DHRSX: variants seen among roughly 807,000 people sequenced by gnomAD.
DHRSX encodes the protein dehydrogenase/reductase X-linked.
DHRSX carries 31 observed loss-of-function variants against 34.0 expected under a neutral mutation model. The observed-to-expected ratio is 0.91, with a 90% CI of 0.69 to 1.23. The LOEUF is 1.23. DHRSX is among the 50% of genes most tolerant of loss of function. The pLI, the probability that DHRSX is intolerant of heterozygous loss-of-function variation, is 0.00. For missense variants in DHRSX, 414 were observed against 428.1 expected, an observed-to-expected ratio of 0.97 and a Z score of 0.29; for synonymous variants, 201 against 183.8, an observed-to-expected ratio of 1.09 and a Z score of -0.76.
chrX:2,470,939 T>C (rs141340273), intron 1 of DHRSX, among the ~76,000 whole-genome samples: 1 of 152,240 alleles, frequency 6.6e-6, no homozygotes, highest in Admixed American at 6.5e-5. Flanking sequence ...GTTAATTAGC[T>C]TCAATGTTAA....
At chrX:2,463,805 GAA>G (rs11399591) in intron 1 of DHRSX, among the ~76,000 whole-genome samples, 1 of 151,536 alleles carries the variant, frequency 6.6e-6, no homozygotes, top group African/African-American at 2.4e-5. Flanking sequence ...ACCCAATGAA[GAA>G]AAAAAAGCAG....
intron 5 of DHRSX, among the ~76,000 whole-genome samples, chrX:2,243,847 C>G (rs1302147462): frequency 1.5e-5 from 2 of 133,520 alleles, no homozygotes; most frequent in Non-Finnish European, 3.1e-5. Context: ...CTCTGTCACC[C>G]AGGCTGCAGC....
At chrX:2,274,561 T>A (rs2041598786) in intron 4 of DHRSX, among the ~76,000 whole-genome samples, 1 of 151,164 alleles carries the variant, frequency 6.6e-6, no homozygotes, top group Non-Finnish European at 1.5e-5. Context: ...GGATTACAGG[T>A]GTGCACCACA....
At chrX:2,226,835 G>A (rs964682419) in intron 6 of DHRSX, among the ~76,000 whole-genome samples, 61 of 152,126 alleles carry the variant, frequency 4.0e-4, no homozygotes, top group Admixed American at 3.3e-3. Flanking sequence ...CCCAGACCAT[G>A]GGCACGGTTT....
At chrX:2,410,862 T>C (rs992379648) in intron 2 of DHRSX, among the ~76,000 whole-genome samples, 4 of 152,210 alleles carry the variant, frequency 2.6e-5, no homozygotes, top group African/African-American at 4.8e-5. Context: ...TGTCACTTCC[T>C]TGAAGGAATT....
intron 5 of DHRSX, among the ~76,000 whole-genome samples, chrX:2,263,658 C>T (rs867764909): frequency 2.0e-5 from 3 of 151,886 alleles, no homozygotes; most frequent in South Asian, 2.1e-4. Context: ...GGATTACAGG[C>T]GTCCACCACC....
At chrX:2,392,447 C>T (rs977823135) in intron 3 of DHRSX, 4 of 308,364 alleles carry the variant, frequency 1.3e-5, no homozygotes, top group South Asian at 2.9e-5. Flanking sequence ...GCAAAGCCAG[C>T]CCGGGCAACA....
chrX:2,268,642 A>G (rs2041507836), intron 4 of DHRSX, among the ~76,000 whole-genome samples: 1 of 152,266 alleles, frequency 6.6e-6, no homozygotes, highest in Admixed American at 6.5e-5. Flanking sequence ...TTGTATGCAC[A>G]TGTGCATGAG....
chrX:2,499,348 C>A (rs1214812701), intron 1 of DHRSX, among the ~76,000 whole-genome samples: 25 of 152,052 alleles, frequency 1.6e-4, no homozygotes, highest in African/African-American at 6.0e-4. Flanking sequence ...CCCCACCACA[C>A]TGACCCTCTG....
rs763813600 is a variant in DHRSX at position 2,226,729 on chromosome X, G to C, written c.805-5500C>G. Among the ~76,000 whole-genome samples, 8 of 151,934 alleles carry C rather than the reference G, an allele frequency of 5.3e-5. No individual in the cohort carries two copies. The East Asian group carries it at 1.5e-3, about 29-fold the overall frequency. The stretch of plus-strand genomic sequence containing the variant: ...AGAATGGCGTGAACCCGGGAGGCGG[G>C]GCTTGCAGTGAGCCGAGATGGCGCC... On this transcript the variant is annotated intron_variant, in intron 6 of 6. Coordinates refer to ENST00000334651, the MANE Select transcript of DHRSX (RefSeq NM_145177.3).
intron 1 of DHRSX, among the ~76,000 whole-genome samples, chrX:2,464,161 GC>G (rs1454484861): frequency 6.9e-6 from 1 of 145,422 alleles, no homozygotes; most frequent in African/African-American, 2.6e-5. Context: ...TAAGAATGCA[GC>G]GAAGAGATGG....
At chrX:2,226,566 C>T (rs189540711) in intron 6 of DHRSX, among the ~76,000 whole-genome samples, 2,490 of 152,146 alleles carry the variant, frequency 0.016, 55 homozygotes, top group African/African-American at 0.055. Flanking sequence ...TTTGGGAGGC[C>T]GAGGCAGGCG....
chrX:2,491,084 T>A (rs2045130036), intron 1 of DHRSX, among the ~76,000 whole-genome samples: 2 of 150,672 alleles, frequency 1.3e-5, no homozygotes, highest in Admixed American at 6.6e-5. Flanking sequence ...TTTTTTTTTT[T>A]TTTGAGACAG....
intron 1 of DHRSX, among the ~76,000 whole-genome samples, chrX:2,464,551 C>A (rs1420389259): frequency 7.9e-6 from 1 of 125,966 alleles, no homozygotes; most frequent in Admixed American, 7.9e-5. Context: ...GTAAGGGACC[C>A]CCGCCATGTT....
In DHRSX at chrX:2,294,774, G is replaced by A. The variant is rs193078316; in HGVS notation, c.287-3171C>T. Among the ~76,000 whole-genome samples the A allele has an allele frequency of 3.0e-4, 45 of 150,314 alleles. 2 individuals carry two copies. The highest frequency in any genetic ancestry group is 1.0e-3 in the African/African-American group (42 of 41,034). ...AAAGAGAGAGACAGAGAAAGAGAGAGAGAGAGAGGAAAAAGAGAGGGAGAG... is the reference window on the plus strand; with the variant it reads ...AAAGAGAGAGACAGAGAAAGAGAGAAAGAGAGAGGAAAAAGAGAGGGAGAG... On this transcript the variant is annotated intron_variant, in intron 3 of 6. Transcript: ENST00000334651.
At chrX:2,242,057 T>C (rs2124425190) in intron 6 of DHRSX, among the ~76,000 whole-genome samples, 1 of 152,266 alleles carries the variant, frequency 6.6e-6, no homozygotes, top group Admixed American at 6.5e-5. Flanking sequence ...CCCCTTCCGC[T>C]AAGAAGAAGA....
intron 3 of DHRSX, among the ~76,000 whole-genome samples, chrX:2,322,584 C>CT (rs1383371771): frequency 3.3e-5 from 5 of 149,298 alleles, no homozygotes; most frequent in Admixed American, 1.3e-4. Context: ...ATGAAAGTTC[C>CT]TTATGATTTT....
At chrX:2,432,066 C>T (rs2043932104) in intron 1 of DHRSX, among the ~76,000 whole-genome samples, 1 of 151,918 alleles carries the variant, frequency 6.6e-6, no homozygotes, top group African/African-American at 2.4e-5. Context: ...TGGTGTGTGC[C>T]ACCTGTAATC....
At chrX:2,259,403 T>TAG (rs1322613368) in intron 5 of DHRSX, among the ~76,000 whole-genome samples, 8 of 144,032 alleles carry the variant, frequency 5.6e-5, no homozygotes, top group Admixed American at 3.5e-4. Context: ...TAGATATATA[T>TAG]ATAGATATAG....
Sources: gnomAD v4.1 joint callset for allele counts (sites outside exome capture counted in the v4.1 genomes callset) on GRCh38, gnomAD v4.1.1 for gene constraint, MANE v1.5 for transcripts, NCBI Gene and HGNC (gene_info 2026-07-23, HGNC 2026-07-21) for gene names.